CBFB: variants seen among roughly 807,000 people sequenced by gnomAD.
CBFB encodes core-binding factor subunit beta.
Under a neutral mutation model 30.4 loss-of-function variants are expected in CBFB, and 9 were observed. The observed-to-expected ratio is 0.30, with a 90% CI of 0.18 to 0.52. CBFB has a LOEUF of 0.52. CBFB is among the 20% of genes least tolerant of loss of function. CBFB has a pLI of 0.97. For missense variants in CBFB, 170 were observed against 244.0 expected, an observed-to-expected ratio of 0.70 and a Z score of 2.02; for synonymous variants, 94 against 84.0, an observed-to-expected ratio of 1.12 and a Z score of -0.65.
rs890134452 is a variant in CBFB at position 67,051,960 on chromosome 16, G to A, written c.283-14722G>A. Among the ~76,000 whole-genome samples, 6 of 150,058 alleles carry A rather than the reference G, an allele frequency of 4.0e-5. No homozygotes were observed. The East Asian group carries it at 7.8e-4, about 20-fold the overall frequency. Reference sequence around the variant, plus strand: ...ACACACACACGCATACATATATATAGCAATAGGAATATATATATATATTTT... The same window carrying A: ...ACACACACACGCATACATATATATAACAATAGGAATATATATATATATTTT... On this transcript the variant is annotated intron_variant, in intron 3 of 5. Transcript: ENST00000412916.
chr16:67,091,945 C>T (rs1473674289), intron 5 of CBFB, among the ~76,000 whole-genome samples: 1 of 152,130 alleles, frequency 6.6e-6, no homozygotes, highest in Non-Finnish European at 1.5e-5. Flanking sequence ...ACGATCTCGG[C>T]TCACCACAAC....
intron 4 of CBFB, among the ~76,000 whole-genome samples, chr16:67,075,047 A>G (rs1961347896): frequency 6.6e-6 from 1 of 152,042 alleles, no homozygotes; most frequent in African/African-American, 2.4e-5. Flanking sequence ...AAAATTAGCC[A>G]GGTATGGTGG....
intron 5 of CBFB, among the ~76,000 whole-genome samples, chr16:67,083,264 T>A (rs905528894): frequency 6.6e-6 from 1 of 152,006 alleles, no homozygotes; most frequent in Non-Finnish European, 1.5e-5. Flanking sequence ...CATGACTTTC[T>A]CATGATTTCT....
chr16:67,044,504 T>C (rs796267732), intron 3 of CBFB, among the ~76,000 whole-genome samples: 27 of 152,340 alleles, frequency 1.8e-4, no homozygotes, highest in African/African-American at 6.3e-4. Context: ...TAGCTACTTT[T>C]AAAAATTTTG....
chr16:67,048,914 G>A (rs1389756080), intron 3 of CBFB, among the ~76,000 whole-genome samples: 1 of 143,728 alleles, frequency 7.0e-6, no homozygotes, highest in Admixed American at 7.3e-5. Context: ...TCCACCTCCC[G>A]GGTTCATGCA....
At chr16:67,090,023 C>T (rs6499111) in intron 5 of CBFB, among the ~76,000 whole-genome samples, 37,555 of 152,092 alleles carry the variant, frequency 0.25, 9,877 homozygotes, top group African/African-American at 0.67. Context: ...TTTGCCAAGC[C>T]ATTTTAGATT....
intron 4 of CBFB, among the ~76,000 whole-genome samples, chr16:67,067,316 G>A (rs1407601920): frequency 2.0e-5 from 3 of 151,608 alleles, no homozygotes; most frequent in Admixed American, 6.6e-5. Context: ...TCAGGATTTC[G>A]AGACCAGCCT....
At chr16:67,042,278 C>G (rs1292379267) in intron 3 of CBFB, among the ~76,000 whole-genome samples, 1 of 152,044 alleles carries the variant, frequency 6.6e-6, no homozygotes, top group African/African-American at 2.4e-5. Context: ...GCCTCTGTCT[C>G]TTGACTGACT....
chr16:67,068,065 C>T (rs1335245109), intron 4 of CBFB, among the ~76,000 whole-genome samples: 1 of 152,198 alleles, frequency 6.6e-6, no homozygotes, highest in South Asian at 2.1e-4. Context: ...AAGCTACACA[C>T]AAGTCCAGTG....
intron 5 of CBFB, 47 bp downstream of exon 5, chr16:67,082,355 C>T (rs1187536474): frequency 6.2e-7 from 1 of 1,603,800 alleles, no homozygotes. Flanking sequence ...TACTTTCCCC[C>T]AAACTCTCAG....
intron 3 of CBFB, among the ~76,000 whole-genome samples, chr16:67,045,709 A>C (rs1413895637): frequency 6.6e-6 from 1 of 151,926 alleles, no homozygotes; most frequent in Non-Finnish European, 1.5e-5. Flanking sequence ...CCTTTCCTGA[A>C]TTACATATTC....
At chr16:67,095,795 C>T (rs781730431) in intron 5 of CBFB, among the ~76,000 whole-genome samples, 38 of 151,492 alleles carry the variant, frequency 2.5e-4, no homozygotes, top group African/African-American at 7.5e-4. Context: ...CTGGTTCACG[C>T]GATCCTCCTG....
chr16:67,038,466 C>T (rs1966480153), intron 3 of CBFB, among the ~76,000 whole-genome samples: 3 of 151,818 alleles, frequency 2.0e-5, no homozygotes, highest in Admixed American at 1.3e-4. Context: ...CGTGACAAAA[C>T]AATCTTTGGA....
chr16:67,033,819 GTTTT>G (rs573801388), intron 2 of CBFB, among the ~76,000 whole-genome samples: 2 of 91,738 alleles, frequency 2.2e-5, no homozygotes, highest in Non-Finnish European at 4.3e-5. Context: ...TTTCACCGTT[GTTTT>G]TTTTTTTTTT....
At chr16:67,051,779 C>G (rs1378924490) in intron 3 of CBFB, among the ~76,000 whole-genome samples, 1 of 149,818 alleles carries the variant, frequency 6.7e-6, no homozygotes, top group Non-Finnish European at 1.5e-5. Context: ...GTTGGAGTCT[C>G]GCTCTGTTGC....
At position 67,091,179 on chromosome 16, in the gene CBFB, A is replaced by G. The variant is rs559084849; in HGVS notation, c.496-7531A>G. Reference sequence around the variant, plus strand: ...AAGGATACGAAATCTGACTTCCCCCACTACCAGAGGAAGAGAGTCTTGGTT... The same window carrying G: ...AAGGATACGAAATCTGACTTCCCCCGCTACCAGAGGAAGAGAGTCTTGGTT... On this transcript the variant is annotated intron_variant, in intron 5 of 5. Coordinates refer to ENST00000412916, the MANE Select transcript of CBFB (RefSeq NM_022845.3). Among the ~76,000 whole-genome samples the G allele has an allele frequency of 4.6e-5, 7 of 152,358 alleles. No homozygotes were observed. The South Asian group carries it at 1.4e-3, about 32-fold the overall frequency.
At chr16:67,060,192 T>C (rs1434118988) in intron 3 of CBFB, among the ~76,000 whole-genome samples, 3 of 152,050 alleles carry the variant, frequency 2.0e-5, no homozygotes, top group African/African-American at 4.8e-5. Context: ...TTGCCCTGGC[T>C]GGTCTCAAAC....
intron 3 of CBFB, among the ~76,000 whole-genome samples, chr16:67,038,364 G>A (rs940233877): frequency 6.6e-6 from 1 of 151,000 alleles, no homozygotes; most frequent in African/African-American, 2.4e-5. Flanking sequence ...GTGTATATAC[G>A]TATATGTGTG....
chr16:67,096,230 G>GA (rs1336725728), intron 5 of CBFB, among the ~76,000 whole-genome samples: 2 of 151,808 alleles, frequency 1.3e-5, no homozygotes, highest in Non-Finnish European at 2.9e-5. Context: ...AGAATGACTT[G>GA]AACCTGGGAG....
Sources: allele counts gnomAD v4.1 joint callset (sites outside exome capture counted in the v4.1 genomes callset), GRCh38; gene constraint gnomAD v4.1.1; transcripts MANE v1.5; gene names NCBI Gene and HGNC (gene_info 2026-07-23, HGNC 2026-07-21).